FLNB: variants seen among roughly 807,000 people sequenced by gnomAD.
FLNB encodes the protein filamin B, also known as filamin-B.
FLNB carries 111 observed loss-of-function variants against 250.6 expected under a neutral mutation model. That is an observed-to-expected ratio of 0.44 (90% CI 0.38 to 0.52). The LOEUF is 0.52. Ranked by LOEUF, FLNB falls within the 20% of genes least tolerant of loss-of-function variation. The probability of loss-of-function intolerance (pLI) is 0.00; values close to 1 mark genes in which losing one functional copy is unlikely to be tolerated. For missense variants in FLNB, 2,869 were observed against 3,447.8 expected (o/e 0.83, Z 4.20); for synonymous variants, 1,302 against 1,372.1 (o/e 0.95, Z 1.13).
At chr3:58,119,225 G>A (rs1339192132) in intron 19 of FLNB, among the ~76,000 whole-genome samples, 7 of 151,990 alleles carry the variant, frequency 4.6e-5, no homozygotes, top group Non-Finnish European at 1.0e-4. Flanking sequence ...GGTGGTCGGC[G>A]GGGAGAGGTT....
chr3:58,129,202 G>A (rs555815214), intron 24 of FLNB, among the ~76,000 whole-genome samples: 16 of 152,278 alleles, frequency 1.1e-4, no homozygotes, highest in African/African-American at 3.9e-4. Flanking sequence ...CCTGTGGTAG[G>A]CCAGCTGTGG....
At chr3:58,069,057 C>T (rs2097190166) in intron 1 of FLNB, among the ~76,000 whole-genome samples, 2 of 150,696 alleles carry the variant, frequency 1.3e-5, no homozygotes, top group African/African-American at 4.9e-5. Flanking sequence ...GTGGAAGGAT[C>T]GCTTGAGCCC....
At position 58,153,510 on chromosome 3, in the gene FLNB, G is replaced by C. The variant is rs775814555; in HGVS notation, c.6503G>C (p.Ser2168Thr). 1.2e-5 allele frequency: 20 copies of C among 1,614,228 alleles called. No homozygotes were observed. The African/African-American group carries it at 2.5e-4, about 20-fold the overall frequency. Residue 2168 changes from serine to threonine, a missense_variant, in exon 39 of 46, where the codon AGC becomes ACC. Ser to Thr is a moderately conservative substitution (Grantham distance 58, BLOSUM62 1). Coordinates refer to ENST00000295956, the MANE Select transcript of FLNB (RefSeq NM_001457.4). ...VPQEMGVHTV[S>T]VKYRGQHVTG... ...CAGGAGATGGGCGTGCACACGGTCAGCGTCAAGTACCGTGGGCAGCACGTC... is the reference window on the plus strand; with the variant it reads ...CAGGAGATGGGCGTGCACACGGTCACCGTCAAGTACCGTGGGCAGCACGTC...
At chr3:58,084,783 CT>C (rs1559681772) in intron 4 of FLNB, among the ~76,000 whole-genome samples, 1 of 152,154 alleles carries the variant, frequency 6.6e-6, no homozygotes, top group Non-Finnish European at 1.5e-5. Flanking sequence ...TCCTCTGCTC[CT>C]GGTAACCTTT....
intron 1 of FLNB, among the ~76,000 whole-genome samples, chr3:58,042,226 G>T (rs1383926885): frequency 2.0e-5 from 3 of 152,156 alleles, no homozygotes; most frequent in African/African-American, 7.2e-5. Flanking sequence ...GACACAAGTG[G>T]ACTTGGCCTC....
intron 38 of FLNB, chr3:58,151,099 G>C (rs993054893): frequency 1.3e-5 from 2 of 152,014 alleles, no homozygotes; most frequent in African/African-American, 4.8e-5. Flanking sequence ...CACTTAAAAA[G>C]AGCTTTATTG....
intron 1 of FLNB, among the ~76,000 whole-genome samples, chr3:58,024,875 G>A (rs2097120940): frequency 6.6e-6 from 1 of 151,310 alleles, no homozygotes; most frequent in Non-Finnish European, 1.5e-5. Context: ...ACTATGCCCA[G>A]CTAATTTTTG....
intron 1 of FLNB, among the ~76,000 whole-genome samples, chr3:58,066,798 G>C (rs2097186253): frequency 6.6e-6 from 1 of 152,172 alleles, no homozygotes; most frequent in Admixed American, 6.6e-5. Context: ...ACCAGAAATA[G>C]GGTGTTTGGG....
Position 58,148,821 on chromosome 3 carries a change from G to C in FLNB, c.6060G>C (p.Met2020Ile). The C allele has an allele frequency of 1.2e-6, 2 of 1,613,756 alleles. No individual in the cohort carries two copies. The highest frequency in any genetic ancestry group is 1.7e-6 in the Non-Finnish European group (2 of 1,180,042). The change falls in exon 36 of 46, where the codon ATG becomes ATC. Residue 2020 changes from methionine to isoleucine, a missense_variant. Physicochemically the swap from Met to Ile is conservative, Grantham distance 10. This residue lies in a region of FLNB where 1,084 missense variants were observed against 1,315.5 expected (regional missense o/e 0.82). Transcript: ENST00000295956. Reference protein sequence around the residue: ...RGLSEGRTFEMSDFIVDTRDA... With the variant: ...RGLSEGRTFEISDFIVDTRDA... The stretch of plus-strand genomic sequence containing the variant: ...TGTCAGAAGGCCGGACTTTCGAGAT[G>C]TCTGACTTCATCGTGGACACAAGGG...
chr3:58,050,308 G>A (rs1401168355), intron 1 of FLNB, among the ~76,000 whole-genome samples: 3 of 152,136 alleles, frequency 2.0e-5, no homozygotes, highest in Non-Finnish European at 2.9e-5. Flanking sequence ...GATTACAGGC[G>A]TGAGCCACCA....
chr3:58,081,444 G>T (rs539117362), intron 3 of FLNB, among the ~76,000 whole-genome samples, 185 bp from the exon 4 acceptor site: 1 of 152,294 alleles, frequency 6.6e-6, no homozygotes, highest in East Asian at 1.9e-4. Context: ...AAAGGGGTCT[G>T]CAATTTCTCA....
intron 24 of FLNB, among the ~76,000 whole-genome samples, chr3:58,129,837 C>G (rs1325380697): frequency 6.6e-6 from 1 of 152,228 alleles, no homozygotes; most frequent in Non-Finnish European, 1.5e-5. Context: ...CTGAGGCATG[C>G]TGCCGTTCGC....
chr3:58,109,027 C>A, intron 13 of FLNB, 152 bp from the exon 14 acceptor site: 1 of 836,470 alleles, frequency 1.2e-6, no homozygotes. Flanking sequence ...TGGTTGTCAC[C>A]GTGTTGTGAA....
At chr3:58,057,298 C>G (rs756835045) in intron 1 of FLNB, among the ~76,000 whole-genome samples, 4 of 152,164 alleles carry the variant, frequency 2.6e-5, no homozygotes, top group Non-Finnish European at 5.9e-5. Flanking sequence ...CTATAAATAG[C>G]AAAGTTAGTA....
At chr3:58,101,635 G>A (rs975692130) in intron 8 of FLNB, among the ~76,000 whole-genome samples, 4 of 152,190 alleles carry the variant, frequency 2.6e-5, no homozygotes, top group Non-Finnish European at 5.9e-5. Context: ...CAGACAGCAC[G>A]AAAAGATTGG....
chr3:58,027,576 C>T (rs1407581588), intron 1 of FLNB, among the ~76,000 whole-genome samples: 1 of 152,204 alleles, frequency 6.6e-6, no homozygotes, highest in African/African-American at 2.4e-5. Context: ...GCCACCGCGC[C>T]TGGCCCAGAC....
chr3:58,098,680 T>A, intron 7 of FLNB, 31 bp from the exon 8 acceptor site: 1 of 1,611,464 alleles, frequency 6.2e-7, no homozygotes, highest in Non-Finnish European at 8.5e-7. Context: ...AGAGGGTGAC[T>A]TGGGCTCATG....
At chr3:58,056,101 A>ATTTTT (rs1170400791) in intron 1 of FLNB, among the ~76,000 whole-genome samples, 2 of 131,142 alleles carry the variant, frequency 1.5e-5, no homozygotes, top group African/African-American at 4.0e-5. Flanking sequence ...TTATTTATTT[A>ATTTTT]TTTATTTTTT....
At chr3:58,132,690 A>T in intron 25 of FLNB, 118 bp from the exon 26 acceptor site, 1 of 1,278,116 alleles carries the variant, frequency 7.8e-7, no homozygotes, top group Non-Finnish European at 1.1e-6. Flanking sequence ...CCTTTTTGTT[A>T]CTCATCAGTG....
Sources: allele counts gnomAD v4.1 joint callset (sites outside exome capture counted in the v4.1 genomes callset), GRCh38; gene constraint gnomAD v4.1.1; regional missense constraint gnomAD v4.1.1; transcripts MANE v1.5; gene names NCBI Gene and HGNC (gene_info 2026-07-23, HGNC 2026-07-21).